PRUNE2: variants seen among roughly 807,000 people sequenced by gnomAD.
The protein encoded by PRUNE2 is protein prune homolog 2.
A neutral mutation model predicts 252.0 loss-of-function variants in PRUNE2; 164 were observed. That is an observed-to-expected ratio of 0.65 (90% CI 0.57 to 0.74). The LOEUF (loss-of-function observed/expected upper bound fraction) is 0.74. Ranked by LOEUF, PRUNE2 falls within the 30% of genes least tolerant of loss-of-function variation. The probability of loss-of-function intolerance (pLI) is 0.00; values close to 1 mark genes in which losing one functional copy is unlikely to be tolerated. For missense variants in PRUNE2, 3,495 were observed against 3,711.0 expected, an observed-to-expected ratio of 0.94 and a Z score of 1.51; for synonymous variants, 1,292 against 1,350.2, an observed-to-expected ratio of 0.96 and a Z score of 0.94.
chr9:76,616,590 T>G (rs1037203777), intron 18 of PRUNE2, among the ~76,000 whole-genome samples: 20 of 152,198 alleles, frequency 1.3e-4, no homozygotes, highest in African/African-American at 4.6e-4. Flanking sequence ...TCGTACTGAC[T>G]TTTTTGTAAA....
At chr9:76,898,026 A>G (rs1162296622) in intron 1 of PRUNE2, among the ~76,000 whole-genome samples, 1 of 152,160 alleles carries the variant, frequency 6.6e-6, no homozygotes, top group Non-Finnish European at 1.5e-5. Context: ...GGCCAGTGCT[A>G]CTACTGTTCT....
intron 4 of PRUNE2, among the ~76,000 whole-genome samples, chr9:76,836,228 G>A (rs1047321169): frequency 1.3e-5 from 2 of 151,536 alleles, no homozygotes; most frequent in Non-Finnish European, 2.9e-5. Flanking sequence ...ACGAATACAG[G>A]TGAGGACTCT....
At chr9:76,721,184 C>T (rs2047618780) in intron 6 of PRUNE2, among the ~76,000 whole-genome samples, 1 of 152,212 alleles carries the variant, frequency 6.6e-6, no homozygotes, top group Non-Finnish European at 1.5e-5. Flanking sequence ...AAGTTAGACT[C>T]AGTGAATGAG....
chr9:76,835,089 A>C (rs2132187675), intron 4 of PRUNE2, among the ~76,000 whole-genome samples: 1 of 152,328 alleles, frequency 6.6e-6, no homozygotes, highest in Middle Eastern at 3.4e-3. Flanking sequence ...AATAGTAACA[A>C]ACACTTCATT....
At chr9:76,775,570 G>A (rs1437586710) in intron 6 of PRUNE2, among the ~76,000 whole-genome samples, 1 of 151,992 alleles carries the variant, frequency 6.6e-6, no homozygotes, top group Non-Finnish European at 1.5e-5. Context: ...CAAAGTGTTG[G>A]GATTACAGGT....
rs2162067 is a variant in PRUNE2, at chr9:76,711,191, G to A, written c.1083C>T (p.Val361=). ...CTGTTGAGGATGTCCGGCTATTGGA[G>A]ACCATCTCTGGACACCTCCTGTTGA... The part of the protein sequence containing the change: ...EVINRRCPEM[V]SNSRTSSTEA... Residue 361 remains valine, a synonymous_variant, in exon 8 of 19, where the codon GTC becomes GTT. Coordinates refer to ENST00000376718, the MANE Select transcript of PRUNE2 (RefSeq NM_015225.3). 1 of 1,613,804 alleles carries A rather than the reference G, an allele frequency of 6.2e-7. No individual in the cohort carries two copies. The highest frequency in any genetic ancestry group is 1.3e-5 in the African/African-American group (1 of 74,912).
intron 6 of PRUNE2, among the ~76,000 whole-genome samples, chr9:76,764,099 C>T (rs997270781): frequency 3.9e-5 from 6 of 152,154 alleles, no homozygotes; most frequent in Non-Finnish European, 1.5e-5. Flanking sequence ...TTCGTTGATT[C>T]ACAGAGCAAA....
chr9:76,644,657 G>T, intron 12 of PRUNE2, 82 bp downstream of exon 12: 1 of 1,320,692 alleles, frequency 7.6e-7, no homozygotes. Context: ...TCATGTTCCG[G>T]AGAAGTCTAG....
At chr9:76,617,247 C>T (rs577626320) in intron 18 of PRUNE2, among the ~76,000 whole-genome samples, 59 of 152,270 alleles carry the variant, frequency 3.9e-4, no homozygotes, top group African/African-American at 1.3e-3. Context: ...ATGGGCATAA[C>T]CTTCCCTTCT....
chr9:76,687,275 A>T (rs2044198394), intron 9 of PRUNE2, among the ~76,000 whole-genome samples: 1 of 152,014 alleles, frequency 6.6e-6, no homozygotes. Context: ...TGTTGGTTTC[A>T]CTCCTATTTT....
chr9:76,724,031 G>C (rs898962786), intron 6 of PRUNE2, among the ~76,000 whole-genome samples: 16 of 150,858 alleles, frequency 1.1e-4, no homozygotes, highest in African/African-American at 3.4e-4. Context: ...TCCTGACCTT[G>C]TGATCTGCCC....
intron 4 of PRUNE2, among the ~76,000 whole-genome samples, chr9:76,844,194 T>A (rs11145101): frequency 9.9e-5 from 15 of 152,182 alleles, no homozygotes; most frequent in Non-Finnish European, 1.6e-4. Flanking sequence ...GTGTGTCCCC[T>A]CCAAATCTCA....
At position 76,832,431 on chromosome 9, in the gene PRUNE2, A is replaced by G. The variant is rs187294746; in HGVS notation, c.509-5699T>C. 7.9e-5 allele frequency among the ~76,000 whole-genome samples: 12 copies of G among 152,300 alleles called. No homozygotes were observed. The East Asian group carries it at 2.3e-3, about 29-fold the overall frequency. Reference sequence around the variant, plus strand: ...GTTATAGTCTGTGGTTACTTGAAAAATAGTCTAAAAACAATAACAAAGTAA... The same window carrying G: ...GTTATAGTCTGTGGTTACTTGAAAAGTAGTCTAAAAACAATAACAAAGTAA... On this transcript the variant is annotated intron_variant, in intron 4 of 18. Coordinates refer to ENST00000376718, the MANE Select transcript of PRUNE2 (RefSeq NM_015225.3).
intron 6 of PRUNE2, among the ~76,000 whole-genome samples, chr9:76,723,826 GAGAT>G (rs2047853628): frequency 1.3e-5 from 1 of 78,238 alleles, no homozygotes; most frequent in Non-Finnish European, 2.4e-5. Context: ...TTTTTTTTTT[GAGAT>G]GGAGTATCGC....
chr9:76,766,609 G>C (rs1294527197), intron 6 of PRUNE2, among the ~76,000 whole-genome samples: 1 of 151,996 alleles, frequency 6.6e-6, no homozygotes, highest in Non-Finnish European at 1.5e-5. Flanking sequence ...TCCATGTTTT[G>C]GTCCTTACAT....
At chr9:76,863,621 A>G (rs1184290660) in intron 1 of PRUNE2, among the ~76,000 whole-genome samples, 2 of 152,230 alleles carry the variant, frequency 1.3e-5, no homozygotes, top group African/African-American at 2.4e-5. Context: ...ATTTAATATG[A>G]CATTATCATT....
At chr9:76,641,141 C>T (rs1289985620) in intron 12 of PRUNE2, among the ~76,000 whole-genome samples, 1 of 152,118 alleles carries the variant, frequency 6.6e-6, no homozygotes, top group Non-Finnish European at 1.5e-5. Context: ...CGGGATCAAC[C>T]TACTACTTCA....
At chr9:76,720,761 T>A (rs1489570085) in intron 6 of PRUNE2, among the ~76,000 whole-genome samples, 1 of 152,196 alleles carries the variant, frequency 6.6e-6, no homozygotes, top group African/African-American at 2.4e-5. Flanking sequence ...ATCACACACA[T>A]CTTTAAGTCA....
chr9:76,876,313 C>T (rs1419920775), intron 1 of PRUNE2, among the ~76,000 whole-genome samples: 1 of 152,128 alleles, frequency 6.6e-6, no homozygotes, highest in Non-Finnish European at 1.5e-5. Context: ...TGGAACACTT[C>T]CTGTTTTTCT....
Sources: gnomAD v4.1 joint callset for allele counts (sites outside exome capture counted in the v4.1 genomes callset) on GRCh38, gnomAD v4.1.1 for gene constraint, MANE v1.5 for transcripts, NCBI Gene and HGNC (gene_info 2026-07-23, HGNC 2026-07-21) for gene names.